The following TASP1 variants were observed in gnomAD, a reference collection of about 807,000 sequenced individuals.
TASP1 encodes taspase 1, also known as threonine aspartase 1.
In TASP1, 16 loss-of-function variants were observed where a neutral mutation model predicts 56.6. That is an observed-to-expected ratio of 0.28 (90% CI 0.19 to 0.43). The LOEUF is 0.43. Among genes scored for constraint, TASP1 ranks in the 20% least tolerant of loss-of-function variants. The pLI is 1.00. For missense variants in TASP1, 393 were observed against 511.6 expected, an observed-to-expected ratio of 0.77 and a Z score of 2.24; for synonymous variants, 179 against 184.2, an observed-to-expected ratio of 0.97 and a Z score of 0.23.
At chr20:13,638,637 C>T (rs571070854) in intron 1 of TASP1, among the ~76,000 whole-genome samples, 2 of 152,312 alleles carry the variant, frequency 1.3e-5, no homozygotes, top group East Asian at 1.9e-4. Context: ...ACAGTACTTC[C>T]CCGGTGGCCA....
At chr20:13,501,846 A>T (rs1190961880) in intron 10 of TASP1, among the ~76,000 whole-genome samples, 3 of 152,022 alleles carry the variant, frequency 2.0e-5, no homozygotes, top group Non-Finnish European at 4.4e-5. Flanking sequence ...ATAGCAGACA[A>T]GTACTAAGGA....
At chr20:13,174,274 T>C in the TASP1 span, among the ~76,000 whole-genome samples, 6 of 152,204 alleles carry the variant, frequency 3.9e-5, no homozygotes, top group East Asian at 1.9e-4. Flanking sequence ...ATTAAATAGA[T>C]GTTATACATT....
chr20:13,483,385 C>T (rs1184226927), intron 10 of TASP1, 48 bp from the exon 11 acceptor site: 1 of 1,309,710 alleles, frequency 7.6e-7, no homozygotes, highest in Admixed American at 2.3e-5. Context: ...GCACCGAACA[C>T]CCTGCTTATT....
the TASP1 span, among the ~76,000 whole-genome samples, chr20:13,357,296 C>A: frequency 6.6e-6 from 1 of 150,388 alleles, no homozygotes; most frequent in East Asian, 1.9e-4. Context: ...AAGACCTGTT[C>A]CAACCCAAAG....
chr20:13,563,972 T>C (rs2046432156), intron 7 of TASP1, among the ~76,000 whole-genome samples: 1 of 152,164 alleles, frequency 6.6e-6, no homozygotes, highest in African/African-American at 2.4e-5. Context: ...GCTTTTCCCC[T>C]AAAATCAGAA....
the TASP1 span, among the ~76,000 whole-genome samples, chr20:13,189,117 C>A: frequency 2.6e-5 from 4 of 152,264 alleles, no homozygotes; most frequent in Admixed American, 2.0e-4. Context: ...CTGGGGACTG[C>A]CAGATTTGCG....
At chr20:13,359,614 C>T in the TASP1 span, among the ~76,000 whole-genome samples, 9 of 150,956 alleles carry the variant, frequency 6.0e-5, no homozygotes, top group Non-Finnish European at 7.4e-5. Context: ...TGGGTATTGA[C>T]GGCCAGGCTT....
At chr20:13,377,372 C>A in the TASP1 span, among the ~76,000 whole-genome samples, 1 of 152,224 alleles carries the variant, frequency 6.6e-6, no homozygotes, top group East Asian at 1.9e-4. Flanking sequence ...TGATGGATTA[C>A]GTTTATTGAT....
chr20:13,442,129 C>G (rs2043234514), intron 11 of TASP1, among the ~76,000 whole-genome samples: 1 of 152,120 alleles, frequency 6.6e-6, no homozygotes, highest in South Asian at 2.1e-4. Flanking sequence ...CTTCCTGGCT[C>G]CCTTTCCCCC....
intron 12 of TASP1, among the ~76,000 whole-genome samples, chr20:13,425,965 G>A (rs946224181): frequency 4.6e-5 from 7 of 152,150 alleles, no homozygotes; most frequent in African/African-American, 1.7e-4. Flanking sequence ...TGGGAGCAAC[G>A]GGGATTGAGT....
At chr20:13,615,140 C>T (rs1019438580) in intron 4 of TASP1, among the ~76,000 whole-genome samples, 3 of 152,126 alleles carry the variant, frequency 2.0e-5, no homozygotes, top group Admixed American at 2.0e-4. Context: ...AATAAAAAGA[C>T]TTCCAACCCA....
chr20:13,176,256 A>G, the TASP1 span, among the ~76,000 whole-genome samples: 3 of 152,238 alleles, frequency 2.0e-5, no homozygotes, highest in East Asian at 3.9e-4. Flanking sequence ...TGGCCTCATT[A>G]CTGTGGTTAA....
Position 13,563,391 on chromosome 20 carries a change from G to C in TASP1, c.569-4277C>G, listed in dbSNP as rs141108501. Among the ~76,000 whole-genome samples, 432 of 151,782 alleles carry C rather than the reference G, an allele frequency of 2.8e-3. 2 individuals carry two copies. Among genetic ancestry groups the C allele is most frequent in the Middle Eastern group, 6.8e-3 (2 of 292 alleles). On this transcript the variant is annotated intron_variant, in intron 7 of 13. Coordinates refer to ENST00000337743, the MANE Select transcript of TASP1 (RefSeq NM_017714.3). ...AACAAACACCAAAAACATTAACGAAGAGGAAACGCTTCCAAAGTCATTCTA... is the reference window on the plus strand; with the variant it reads ...AACAAACACCAAAAACATTAACGAACAGGAAACGCTTCCAAAGTCATTCTA...
At chr20:13,176,314 G>T in the TASP1 span, among the ~76,000 whole-genome samples, 2 of 152,130 alleles carry the variant, frequency 1.3e-5, no homozygotes, top group African/African-American at 4.8e-5. Flanking sequence ...GGGCATCTTT[G>T]CCTTCTTCCA....
At chr20:13,293,960 G>A in the TASP1 span, among the ~76,000 whole-genome samples, 1 of 151,650 alleles carries the variant, frequency 6.6e-6, no homozygotes. Flanking sequence ...GGCAACAAGA[G>A]TGAAACTCCA....
At chr20:13,634,900 T>C (rs1169616302) in intron 1 of TASP1, among the ~76,000 whole-genome samples, 1 of 147,678 alleles carries the variant, frequency 6.8e-6, no homozygotes, top group Non-Finnish European at 1.5e-5. Flanking sequence ...TGGTGGCGCA[T>C]GCCTGTAATC....
rs1473255620 is a variant in TASP1 at position 13,533,880 on chromosome 20, T to C, written c.795+142A>G. 6.5e-5 allele frequency: 62 copies of C among 960,946 alleles called. No individual in the cohort carries two copies. The Admixed American group carries it at 1.6e-3, about 25-fold the overall frequency. The allele number at this position is 960,946 out of a possible 1,614,324, so 59.5% of individuals were successfully genotyped here. A position where few individuals can be genotyped will look rare whatever the true frequency, so the allele number is the denominator to read the frequency against. ...AAAAGAATTTTAAAAAGGTATTTGG[T>C]TGATGATTTATACTACATGTTAAAA... On this transcript the variant is annotated intron_variant, in intron 9 of 13. Coordinates refer to ENST00000337743, the MANE Select transcript of TASP1 (RefSeq NM_017714.3).
chr20:13,310,809 T>C, the TASP1 span, among the ~76,000 whole-genome samples: 1 of 152,214 alleles, frequency 6.6e-6, no homozygotes, highest in Non-Finnish European at 1.5e-5. Context: ...TGGATATATG[T>C]AAAGTTGCTC....
intron 4 of TASP1, among the ~76,000 whole-genome samples, chr20:13,608,006 C>T (rs561941334): frequency 4.6e-5 from 7 of 152,242 alleles, no homozygotes; most frequent in African/African-American, 1.7e-4. Flanking sequence ...TAATTACTAA[C>T]TTCATTGATA....
Sources: allele counts gnomAD v4.1 joint callset (sites outside exome capture counted in the v4.1 genomes callset), GRCh38; gene constraint gnomAD v4.1.1; transcripts MANE v1.5; gene names NCBI Gene and HGNC (gene_info 2026-07-23, HGNC 2026-07-21).